The following FAM135A variants were observed in gnomAD, a reference collection of about 807,000 sequenced individuals.
The protein encoded by FAM135A is protein FAM135A.
In FAM135A, 79 loss-of-function variants were observed where a neutral mutation model predicts 146.8. That is an observed-to-expected ratio of 0.54 (90% confidence interval 0.45 to 0.65). The LOEUF is 0.65. Ranked by LOEUF, FAM135A falls within the 30% of genes least tolerant of loss-of-function variation. FAM135A has a pLI of 0.00. For synonymous variants in FAM135A, 562 were observed against 603.6 expected (o/e 0.93, Z 1.01); for missense variants, 1,623 against 1,758.2 (o/e 0.92, Z 1.38).
At chr6:70,502,507 C>T in intron 11 of FAM135A, 129 bp from the exon 12 acceptor site, 1 of 848,430 alleles carries the variant, frequency 1.2e-6, no homozygotes, top group African/African-American at 1.7e-5. Flanking sequence ...TGTGCATGCA[C>T]ATACAAATGC....
chr6:70,496,168 G>A (rs546626037), intron 11 of FAM135A, among the ~76,000 whole-genome samples: 1 of 152,116 alleles, frequency 6.6e-6, no homozygotes, highest in Admixed American at 6.5e-5. Flanking sequence ...TGGAATTGCT[G>A]GGTCAAGTGG....
At chr6:70,518,790 G>A (rs1173693546) in intron 12 of FAM135A, among the ~76,000 whole-genome samples, 1 of 152,194 alleles carries the variant, frequency 6.6e-6, no homozygotes. Flanking sequence ...GAGACCTACA[G>A]TTCAGGAATA....
chr6:70,464,984 T>G (rs1270333516), intron 5 of FAM135A, among the ~76,000 whole-genome samples: 1 of 151,732 alleles, frequency 6.6e-6, no homozygotes, highest in Non-Finnish European at 1.5e-5. Flanking sequence ...ACACCTGACC[T>G]AAAATTTTGT....
intron 12 of FAM135A, among the ~76,000 whole-genome samples, chr6:70,514,846 A>G (rs1452426659): frequency 2.0e-5 from 3 of 152,160 alleles, no homozygotes; most frequent in African/African-American, 7.2e-5. Flanking sequence ...AAATTGCAGA[A>G]AAGCCCTCAT....
intron 4 of FAM135A, among the ~76,000 whole-genome samples, chr6:70,439,200 T>A (rs1459086749): frequency 1.3e-5 from 2 of 152,066 alleles, no homozygotes; most frequent in Non-Finnish European, 2.9e-5. Context: ...AGTTTGTAGG[T>A]GGGAGACATG....
chr6:70,475,228 A>T (rs916435721), intron 5 of FAM135A, among the ~76,000 whole-genome samples, 182 bp from the exon 6 acceptor site: 19 of 152,228 alleles, frequency 1.2e-4, no homozygotes, highest in African/African-American at 3.6e-4. Flanking sequence ...CTCATAATGT[A>T]CTTATTTATT....
At chr6:70,448,487 G>C (rs533708662) in intron 4 of FAM135A, among the ~76,000 whole-genome samples, 1 of 152,076 alleles carries the variant, frequency 6.6e-6, no homozygotes, top group African/African-American at 2.4e-5. Context: ...TTAGTTCCAC[G>C]TTCTCCAACC....
chr6:70,481,960 T>G, intron 9 of FAM135A, 41 bp from the exon 10 acceptor site: 2 of 1,553,244 alleles, frequency 1.3e-6, no homozygotes, highest in Non-Finnish European at 1.7e-6. Flanking sequence ...TAACATTTTG[T>G]ATTACTGACA....
intron 12 of FAM135A, among the ~76,000 whole-genome samples, chr6:70,508,844 A>G (rs1790377931): frequency 1.3e-5 from 2 of 152,230 alleles, no homozygotes; most frequent in Admixed American, 6.5e-5. Flanking sequence ...GTGCAACCCT[A>G]TCAAATAGCA....
At chr6:70,555,496 T>C (rs141524880) in intron 20 of FAM135A, among the ~76,000 whole-genome samples, 2 of 151,742 alleles carry the variant, frequency 1.3e-5, no homozygotes, top group East Asian at 1.9e-4. Context: ...CAGGCAATTT[T>C]CCCCCCTCGA....
At chr6:70,475,344 C>G in intron 5 of FAM135A, 66 bp from the exon 6 acceptor site, 1 of 1,282,494 alleles carries the variant, frequency 7.8e-7, no homozygotes, top group Non-Finnish European at 1.1e-6. Context: ...TTTTAAAGTA[C>G]AAGTGTTAAT....
chr6:70,526,310 A>C lies in FAM135A; in HGVS notation c.3226A>C (p.Asn1076His), dbSNP rs1408397681. 6.2e-7 allele frequency: 1 copy of C among 1,613,210 alleles called. No individual in the cohort carries two copies. Among genetic ancestry groups the C allele is most frequent in the South Asian group, 1.1e-5 (1 of 91,046 alleles). The change falls in exon 15 of 22, where the codon AAT (asparagine) becomes CAT (histidine). Residue 1076 changes from asparagine to histidine, a missense_variant. Asn to His is a moderately conservative substitution (Grantham distance 68). Coordinates refer to ENST00000418814, the MANE Select transcript of FAM135A (RefSeq NM_001162529.3). ...GGAAACTTCTGAAAAAGAAATTAGT[A>C]ATCTTCAGCAGGAACAGGATAAAGA... ...QKETSEKEIS[N>H]LQQEQDKEDE...
Position 70,502,628 on chromosome 6 carries a change from C to A in FAM135A, c.874-8C>A, listed in dbSNP as rs767008699. 5 of 1,590,874 alleles carry A rather than the reference C, an allele frequency of 3.1e-6. No homozygotes were observed. The South Asian group carries it at 5.8e-5, about 18-fold the overall frequency. On this transcript the variant is annotated splice_polypyrimidine_tract_variant and splice_region_variant and intron_variant, in intron 11 of 21. Transcript: ENST00000418814. ...GAAATAGTGAAATTTTTTTTCTTTT[C>A]ATTTCAGAAAATAGAGAATCCTGAT...
intron 20 of FAM135A, among the ~76,000 whole-genome samples, chr6:70,549,493 A>G (rs1222531279): frequency 1.3e-5 from 2 of 152,106 alleles, no homozygotes; most frequent in African/African-American, 2.4e-5. Context: ...GATACTGTGG[A>G]TGTGGTTCCA....
chr6:70,428,684 A>G (rs931453989), intron 4 of FAM135A, among the ~76,000 whole-genome samples: 4 of 152,166 alleles, frequency 2.6e-5, no homozygotes, highest in Non-Finnish European at 4.4e-5. Context: ...TATAAGGTCT[A>G]ATTTTTGCTC....
At chr6:70,543,616 CT>C (rs1798322270) in intron 20 of FAM135A, among the ~76,000 whole-genome samples, 1 of 152,130 alleles carries the variant, frequency 6.6e-6, no homozygotes, top group African/African-American at 2.4e-5. Context: ...ATGGCATATG[CT>C]TCTTATGTGA....
chr6:70,542,391 G>T lies in FAM135A; in HGVS notation c.4228+3990G>T, dbSNP rs570827294. Among the ~76,000 whole-genome samples the T allele has an allele frequency of 4.6e-5, 7 of 151,558 alleles. No homozygotes were observed. The South Asian group carries it at 1.0e-3, about 23-fold the overall frequency. ...GTTTTTGTATCACCTCATGTGTTTT[G>T]TACCTCCTCATGTGTTTACCCATCT... is the stretch of plus-strand genomic sequence containing the variant. On this transcript the variant is annotated intron_variant, in intron 20 of 21. Coordinates refer to ENST00000418814, the MANE Select transcript of FAM135A (RefSeq NM_001162529.3).
chr6:70,437,556 AG>A, intron 4 of FAM135A, among the ~76,000 whole-genome samples: 1 of 152,254 alleles, frequency 6.6e-6, no homozygotes, highest in East Asian at 1.9e-4. Flanking sequence ...AGAAGTTTGC[AG>A]GAAAGTTGTA....
intron 12 of FAM135A, among the ~76,000 whole-genome samples, chr6:70,514,461 G>A (rs530502578): frequency 6.6e-6 from 1 of 152,192 alleles, no homozygotes; most frequent in East Asian, 1.9e-4. Flanking sequence ...TAGAATTCTA[G>A]TTTCTGAGCC....
Sources: gnomAD v4.1 joint callset for allele counts (sites outside exome capture counted in the v4.1 genomes callset) on GRCh38, gnomAD v4.1.1 for gene constraint, MANE v1.5 for transcripts, NCBI Gene and HGNC (gene_info 2026-07-23, HGNC 2026-07-21) for gene names.